Variants in CDH23 observed in about 807,000 individuals in gnomAD.
CDH23 encodes cadherin related 23, also known as cadherin-23.
CDH23 carries 189 observed loss-of-function variants against 317.1 expected under a neutral mutation model. That is an observed-to-expected ratio of 0.60 (90% CI 0.53 to 0.67). CDH23 has a LOEUF of 0.67. Among genes scored for constraint, CDH23 ranks in the 30% least tolerant of loss-of-function variants. CDH23 has a pLI of 0.00. For missense variants in CDH23, 4,401 were observed against 4,592.4 expected (o/e 0.96, Z 1.20); for synonymous variants, 1,839 against 1,876.8 (o/e 0.98, Z 0.52).
At chr10:71,741,014 A>T in intron 37 of CDH23, 64 bp downstream of exon 37, 1 of 1,590,856 alleles carries the variant, frequency 6.3e-7, no homozygotes, top group South Asian at 1.1e-5. Context: ...CGAGCCAACC[A>T]TGCAGCCCCT....
chr10:71,534,178 A>T (rs1421644275), intron 6 of CDH23, among the ~76,000 whole-genome samples: 5 of 152,132 alleles, frequency 3.3e-5, no homozygotes, highest in Non-Finnish European at 7.4e-5. Flanking sequence ...CCAGGTGGCC[A>T]GCATATTTCC....
At chr10:71,407,342 A>G (rs1848139053) in intron 1 of CDH23, among the ~76,000 whole-genome samples, 1 of 152,076 alleles carries the variant, frequency 6.6e-6, no homozygotes, top group African/African-American at 2.4e-5. Flanking sequence ...GACTTCCCCT[A>G]TAATTGATCC....
chr10:71,571,153 G>T (rs1024530124), intron 8 of CDH23, among the ~76,000 whole-genome samples: 4 of 152,222 alleles, frequency 2.6e-5, no homozygotes, highest in African/African-American at 9.6e-5. Flanking sequence ...AAAGAACAAA[G>T]GCTTCCAGGG....
At chr10:71,504,111 T>C (rs975876763) in intron 3 of CDH23, among the ~76,000 whole-genome samples, 1 of 152,168 alleles carries the variant, frequency 6.6e-6, no homozygotes, top group Non-Finnish European at 1.5e-5. Context: ...GTGTATAGTT[T>C]AGTAGTGTTA....
intron 8 of CDH23, among the ~76,000 whole-genome samples, chr10:71,577,152 T>A (rs1342775555): frequency 6.6e-6 from 1 of 152,204 alleles, no homozygotes; most frequent in African/African-American, 2.4e-5. Context: ...ACTCCTAATA[T>A]GCGTATAGCA....
chr10:71,505,568 C>T (rs1564620884), intron 3 of CDH23, among the ~76,000 whole-genome samples: 2 of 152,132 alleles, frequency 1.3e-5, no homozygotes, highest in South Asian at 4.1e-4. Flanking sequence ...CGGAACCCCT[C>T]GGGAGAACAC....
intron 14 of CDH23, among the ~76,000 whole-genome samples, chr10:71,658,845 C>T (rs891334473): frequency 6.6e-6 from 1 of 152,224 alleles, no homozygotes; most frequent in African/African-American, 2.4e-5. Context: ...CCAAGCTGGG[C>T]TCCAGCCTTT....
intron 1 of CDH23, among the ~76,000 whole-genome samples, chr10:71,421,903 TG>T (rs1848838019): frequency 6.6e-6 from 1 of 151,946 alleles, no homozygotes; most frequent in Non-Finnish European, 1.5e-5. Flanking sequence ...GTGAAGCTTT[TG>T]GGTCATTAAA....
intron 3 of CDH23, among the ~76,000 whole-genome samples, chr10:71,452,196 A>G (rs1589328222): frequency 6.6e-6 from 1 of 151,662 alleles, no homozygotes; most frequent in Non-Finnish European, 1.5e-5. Flanking sequence ...ACGCAGAGGT[A>G]GCAGCATGAA....
At chr10:71,766,321 G>A (rs12360100) in intron 38 of CDH23, among the ~76,000 whole-genome samples, 7,330 of 152,244 alleles carry the variant, frequency 0.048, 200 homozygotes, top group Middle Eastern at 0.12. Flanking sequence ...GGCGGGAACC[G>A]TCCAGTTGCC....
intron 1 of CDH23, among the ~76,000 whole-genome samples, chr10:71,422,867 CA>C (rs1389996234): frequency 6.6e-6 from 1 of 152,258 alleles, no homozygotes; most frequent in East Asian, 1.9e-4. Context: ...CTGCTGCTAC[CA>C]CAGCCCCATG....
intron 36 of CDH23, 115 bp from the exon 37 acceptor site, chr10:71,740,707 A>C: frequency 7.0e-7 from 1 of 1,428,872 alleles, no homozygotes; most frequent in Non-Finnish European, 9.5e-7. Flanking sequence ...GTTCTCAGTG[A>C]GTCTCTTTGC....
chr10:71,479,411 G>A (rs780361018), intron 3 of CDH23, among the ~76,000 whole-genome samples: 33 of 152,244 alleles, frequency 2.2e-4, no homozygotes, highest in South Asian at 4.2e-4. Context: ...ACTGAATCCC[G>A]CAGGAAAGCA....
chr10:71,668,112 T>C (rs1309478196), intron 14 of CDH23, among the ~76,000 whole-genome samples: 1 of 151,942 alleles, frequency 6.6e-6, no homozygotes, highest in Non-Finnish European at 1.5e-5. Context: ...TATCTGAGGG[T>C]CTAGGCTCAG....
chr10:71,783,134 CCTT>C (rs1009037665), intron 41 of CDH23, among the ~76,000 whole-genome samples: 3 of 151,976 alleles, frequency 2.0e-5, no homozygotes, highest in Admixed American at 6.5e-5. Flanking sequence ...AGGTAACTAA[CCTT>C]CTCTCCATTC....
At chr10:71,547,655 G>A (rs1856358382) in intron 6 of CDH23, among the ~76,000 whole-genome samples, 2 of 152,244 alleles carry the variant, frequency 1.3e-5, no homozygotes, top group South Asian at 4.1e-4. Context: ...GGGTGGTGGT[G>A]GGTGGGAGGG....
intron 55 of CDH23, among the ~76,000 whole-genome samples, chr10:71,805,364 G>A (rs1292386470): frequency 3.3e-5 from 5 of 152,200 alleles, no homozygotes; most frequent in African/African-American, 1.2e-4. Flanking sequence ...TTGGATGGAT[G>A]GTGTTGTTTG....
rs893943494 is a variant in CDH23, at chr10:71,764,639, G to A, written c.4846-13041G>A. ...TCAGTAGCAGCTTTTGGGGGGCACC[G>A]GCACTCCAGTTCGCCAGAGTCCGTC... On this transcript the variant is annotated intron_variant, in intron 38 of 69. Coordinates refer to ENST00000224721, the MANE Select transcript of CDH23 (RefSeq NM_022124.6). Among the ~76,000 whole-genome samples the A allele has an allele frequency of 9.2e-5, 14 of 152,120 alleles. 1 individual carries two copies. Among genetic ancestry groups the A allele is most frequent in the African/African-American group, 2.2e-4 (9 of 41,424 alleles).
At chr10:71,590,547 G>A (rs770660856) in intron 9 of CDH23, among the ~76,000 whole-genome samples, 12 of 152,186 alleles carry the variant, frequency 7.9e-5, no homozygotes, top group South Asian at 2.1e-4. Flanking sequence ...TCACAACGAC[G>A]TCCGGCAGAC....
Sources: gnomAD v4.1 joint callset for allele counts (sites outside exome capture counted in the v4.1 genomes callset) on GRCh38, gnomAD v4.1.1 for gene constraint, MANE v1.5 for transcripts, NCBI Gene and HGNC (gene_info 2026-07-23, HGNC 2026-07-21) for gene names.